FAM222B: variants seen among roughly 807,000 people sequenced by gnomAD.
The protein encoded by FAM222B is protein FAM222B.
A neutral mutation model predicts 38.0 loss-of-function variants in FAM222B; 12 were observed. That is an observed-to-expected ratio of 0.32 (90% CI 0.20 to 0.51). The LOEUF (loss-of-function observed/expected upper bound fraction) is 0.51. Among genes scored for constraint, FAM222B ranks in the 20% least tolerant of loss-of-function variants. The probability of loss-of-function intolerance (pLI) is 0.97; values close to 1 mark genes in which losing one functional copy is unlikely to be tolerated. For missense variants in FAM222B, 716 were observed against 754.2 expected (o/e 0.95, Z 0.59); for synonymous variants, 329 against 317.2 (o/e 1.04, Z -0.40).
intron 1 of FAM222B, among the ~76,000 whole-genome samples, chr17:28,781,007 A>G (rs182019216): frequency 1.1e-4 from 16 of 152,336 alleles, no homozygotes; most frequent in African/African-American, 3.8e-4. Context: ...ATGACTCAAC[A>G]GCAACAAAAC....
chr17:28,833,146 A>G (rs1297891906), intron 1 of FAM222B, among the ~76,000 whole-genome samples: 1 of 151,762 alleles, frequency 6.6e-6, no homozygotes, highest in Non-Finnish European at 1.5e-5. Context: ...GGTCTCAACT[A>G]AAAATACAAA....
rs535662833 is a variant in FAM222B at position 28,756,266 on chromosome 17, G to T, written c.*2004C>A. ...TCACACCAAAGGCGAGGGCAGTTGG[G>T]GGCAGGGGGATCACAGTACATTTTC... On this transcript the variant is annotated 3_prime_UTR_variant, in exon 3 of 3. Coordinates refer to ENST00000581407, the MANE Select transcript of FAM222B (RefSeq NM_001077498.3). The T allele has an allele frequency of 6.5e-6, 1 of 152,856 alleles. No homozygotes were observed. The highest frequency in any genetic ancestry group is 6.5e-5 in the Admixed American group (1 of 15,286). The allele number at this position is 152,856 out of a possible 1,614,324, so 9.5% of individuals were successfully genotyped here.
upstream of FAM222B, among the ~76,000 whole-genome samples, chr17:28,847,067 T>C (rs554325381): frequency 7.6e-4 from 115 of 150,554 alleles, 1 homozygote; most frequent in Middle Eastern, 3.5e-3. Flanking sequence ...CTACTAAAAA[T>C]ACCAAATTAG....
At chr17:28,829,839 A>AT (rs200447737) in intron 1 of FAM222B, among the ~76,000 whole-genome samples, 26 of 151,214 alleles carry the variant, frequency 1.7e-4, no homozygotes, top group South Asian at 2.1e-4. Flanking sequence ...TACTTAGGTC[A>AT]TTTTTTTTAA....
chr17:28,789,683 C>A (rs1403243963), intron 1 of FAM222B, among the ~76,000 whole-genome samples: 1 of 152,188 alleles, frequency 6.6e-6, no homozygotes, highest in Non-Finnish European at 1.5e-5. Context: ...AGGGCCTACT[C>A]TTGGTTTCTA....
chr17:28,787,379 T>C (rs949160393), intron 1 of FAM222B, among the ~76,000 whole-genome samples: 8 of 152,206 alleles, frequency 5.3e-5, no homozygotes, highest in Non-Finnish European at 1.2e-4. Context: ...GTATGGACCA[T>C]GAGGAATCCT....
intron 1 of FAM222B, among the ~76,000 whole-genome samples, chr17:28,775,282 C>G (rs2151818198): frequency 6.6e-6 from 1 of 151,974 alleles, no homozygotes; most frequent in Non-Finnish European, 1.5e-5. Context: ...ACCGCCCAGC[C>G]TCATGTTTTT....
intron 1 of FAM222B, among the ~76,000 whole-genome samples, chr17:28,813,111 A>G (rs1273007115): frequency 8.4e-6 from 1 of 119,468 alleles, no homozygotes; most frequent in African/African-American, 3.7e-5. Flanking sequence ...AAGGGAATAC[A>G]TGAAATCATC....
At chr17:28,830,056 A>G (rs2038608172) in intron 1 of FAM222B, among the ~76,000 whole-genome samples, 1 of 151,614 alleles carries the variant, frequency 6.6e-6, no homozygotes, top group Admixed American at 6.6e-5. Context: ...TCACTGTGTT[A>G]ACCAGGATAG....
At chr17:28,776,825 G>A (rs1195224571) in intron 1 of FAM222B, among the ~76,000 whole-genome samples, 2 of 152,042 alleles carry the variant, frequency 1.3e-5, no homozygotes, top group Non-Finnish European at 2.9e-5. Flanking sequence ...TTACTCCTGG[G>A]TTCCAAGAAA....
At chr17:28,848,190 C>A (rs1010774975) in intron 1 of FAM222B, among the ~76,000 whole-genome samples, 4 of 152,114 alleles carry the variant, frequency 2.6e-5, no homozygotes, top group African/African-American at 4.8e-5. Flanking sequence ...GATATTATGT[C>A]TTCTTACATC....
At chr17:28,811,989 C>A (rs934527318) in intron 1 of FAM222B, among the ~76,000 whole-genome samples, 2 of 151,968 alleles carry the variant, frequency 1.3e-5, no homozygotes, top group African/African-American at 4.8e-5. Flanking sequence ...ACTATGCGAC[C>A]GATATCGACA....
At chr17:28,813,978 C>G (rs1340253676) in intron 1 of FAM222B, among the ~76,000 whole-genome samples, 1 of 151,758 alleles carries the variant, frequency 6.6e-6, no homozygotes, top group African/African-American at 2.4e-5. Context: ...GGGAGGCCAA[C>G]GTGGGCAGAT....
chr17:28,836,065 C>A (rs1391660463), intron 1 of FAM222B, among the ~76,000 whole-genome samples: 1 of 152,000 alleles, frequency 6.6e-6, no homozygotes, highest in Non-Finnish European at 1.5e-5. Flanking sequence ...TCTCGGCTCA[C>A]TGAGACCTCC....
intron 1 of FAM222B, among the ~76,000 whole-genome samples, chr17:28,805,570 C>T (rs1284096386): frequency 1.3e-5 from 2 of 151,782 alleles, no homozygotes; most frequent in African/African-American, 2.4e-5. Flanking sequence ...GGGAAGACTG[C>T]CTGAGCCCAA....
At chr17:28,766,409 A>T (rs1213032282) in intron 2 of FAM222B, among the ~76,000 whole-genome samples, 177 bp downstream of exon 2, 1 of 151,962 alleles carries the variant, frequency 6.6e-6, no homozygotes, top group African/African-American at 2.4e-5. Context: ...GCCAATCAAG[A>T]TCGCGTCATT....
At chr17:28,776,075 CAAAAAAAAA>C (rs564594488) in intron 1 of FAM222B, among the ~76,000 whole-genome samples, 1,159 of 81,354 alleles carry the variant, frequency 0.014, 14 homozygotes, top group African/African-American at 0.049. Flanking sequence ...GACTTTGTCT[CAAAAAAAAA>C]AAAAGAAAAA....
chr17:28,767,998 T>C (rs2035423139), intron 1 of FAM222B, among the ~76,000 whole-genome samples: 1 of 152,150 alleles, frequency 6.6e-6, no homozygotes, highest in African/African-American at 2.4e-5. Context: ...TCCTGACATG[T>C]CAAGACCGCA....
intron 1 of FAM222B, among the ~76,000 whole-genome samples, chr17:28,797,368 G>C (rs1012313586): frequency 5.3e-5 from 8 of 152,130 alleles, no homozygotes; most frequent in African/African-American, 1.9e-4. Flanking sequence ...TCATATAAAG[G>C]AGGAAGCAGA....
Sources: gnomAD v4.1 joint callset for allele counts (sites outside exome capture counted in the v4.1 genomes callset) on GRCh38, gnomAD v4.1.1 for gene constraint, MANE v1.5 for transcripts, NCBI Gene and HGNC (gene_info 2026-07-23, HGNC 2026-07-21) for gene names.